KCNH1: variants seen among roughly 807,000 people sequenced by gnomAD.
The protein encoded by KCNH1 is potassium voltage-gated channel subfamily H member 1, also known as voltage-gated delayed rectifier potassium channel KCNH1.
A neutral mutation model predicts 69.2 loss-of-function variants in KCNH1; 27 were observed. The observed-to-expected ratio is 0.39, with a 90% CI of 0.29 to 0.54. The LOEUF is 0.54. Among genes scored for constraint, KCNH1 ranks in the 20% least tolerant of loss-of-function variants. The probability of loss-of-function intolerance (pLI) is 0.68; values close to 1 mark genes in which losing one functional copy is unlikely to be tolerated. For synonymous variants in KCNH1, 456 were observed against 487.7 expected (o/e 0.93, Z 0.86); for missense variants, 798 against 1,261.6 (o/e 0.63, Z 5.57).
chr1:210,941,531 C>A (rs1364038943), intron 6 of KCNH1, among the ~76,000 whole-genome samples: 1 of 152,188 alleles, frequency 6.6e-6, no homozygotes, highest in Non-Finnish European at 1.5e-5. Flanking sequence ...TCTGTGAGAA[C>A]TGGGCAGGGT....
intron 7 of KCNH1, among the ~76,000 whole-genome samples, chr1:210,847,841 C>T (rs1474645855): frequency 3.3e-5 from 5 of 151,740 alleles, no homozygotes; most frequent in East Asian, 1.9e-4. Flanking sequence ...AATTTTTTAG[C>T]ATCTCCTTCG....
At chr1:210,721,387 A>G (rs1198121498) in intron 10 of KCNH1, among the ~76,000 whole-genome samples, 2 of 152,182 alleles carry the variant, frequency 1.3e-5, no homozygotes, top group Non-Finnish European at 2.9e-5. Flanking sequence ...AAAGGCTTCC[A>G]CTAGCTGTCA....
intron 6 of KCNH1, among the ~76,000 whole-genome samples, chr1:210,929,098 T>G (rs73071587): frequency 1.2e-3 from 179 of 152,220 alleles, no homozygotes; most frequent in Non-Finnish European, 2.3e-3. Flanking sequence ...CTATCAGATA[T>G]TCAGAGAAGA....
rs548152947 is a variant in KCNH1 at position 210,861,052 on chromosome 1, T to C, written c.1463-56886A>G. 182 of 977,748 alleles carry C rather than the reference T, an allele frequency of 1.9e-4. 1 individual carries two copies. The African/African-American group carries it at 2.6e-3, about 14-fold the overall frequency. The allele number at this position is 977,748 out of a possible 1,614,324, so 60.6% of individuals were successfully genotyped here. ...TCTGGTAACAAAATCCCATAGTCTT[T>C]TGAAGTACCTCCTTCCTCTTACTAT... On this transcript the variant is annotated intron_variant, in intron 7 of 10. Coordinates refer to ENST00000271751, the MANE Select transcript of KCNH1 (RefSeq NM_172362.3).
rs1381131988 is a variant in KCNH1 at position 210,695,227 on chromosome 1, CCTTTA to C, written c.2113-11094_2113-11090del. ...AGCAGCTGCCACCAACAACTCAAGT[CCTTTA>C]CTTTATCCAGCTTAGTCATGACAGC... On this transcript the variant is annotated intron_variant, in intron 10 of 10. Coordinates refer to ENST00000271751, the MANE Select transcript of KCNH1 (RefSeq NM_172362.3). Among the ~76,000 whole-genome samples the C allele has an allele frequency of 6.6e-5, 10 of 152,294 alleles. No individual in the cohort carries two copies. The East Asian group carries it at 1.2e-3, about 18-fold the overall frequency.
chr1:210,815,148 G>A (rs534705600), intron 7 of KCNH1, among the ~76,000 whole-genome samples: 1 of 152,308 alleles, frequency 6.6e-6, no homozygotes, highest in Middle Eastern at 3.4e-3. Context: ...CTCTGGGGGT[G>A]AGACCGAGAA....
In KCNH1 at chr1:210,891,598, G is replaced by A. The variant is rs561678601; in HGVS notation, c.1462+28042C>T. ...TGAAGAGGATGTGGAGAATAGGAATGCTTTTATACTGTTGGTGGGAGTGTA... is the reference window on the plus strand; with the variant it reads ...TGAAGAGGATGTGGAGAATAGGAATACTTTTATACTGTTGGTGGGAGTGTA... On this transcript the variant is annotated intron_variant, in intron 7 of 10. Transcript: ENST00000271751. Among the ~76,000 whole-genome samples, 14 of 151,962 alleles carry A rather than the reference G, an allele frequency of 9.2e-5. No individual in the cohort carries two copies. In the East Asian group the frequency reaches 2.7e-3, roughly 29 times the overall value.
chr1:211,087,006 TAGCA>T (rs1264950724), intron 4 of KCNH1, among the ~76,000 whole-genome samples: 1 of 152,168 alleles, frequency 6.6e-6, no homozygotes, highest in Non-Finnish European at 1.5e-5. Flanking sequence ...CTTCCTCAAG[TAGCA>T]GTCACTAAAT....
chr1:210,693,551 A>C (rs1681570264), intron 10 of KCNH1, among the ~76,000 whole-genome samples: 1 of 152,188 alleles, frequency 6.6e-6, no homozygotes, highest in Non-Finnish European at 1.5e-5. Flanking sequence ...GACAGATAAA[A>C]CACAACATGG....
chr1:211,072,856 A>G (rs1690671875), intron 5 of KCNH1, among the ~76,000 whole-genome samples: 1 of 152,220 alleles, frequency 6.6e-6, no homozygotes, highest in Non-Finnish European at 1.5e-5. Context: ...AAAGCAACAA[A>G]TACCAGAGAT....
chr1:211,121,060 C>T (rs997157923), intron 1 of KCNH1, among the ~76,000 whole-genome samples: 4 of 152,144 alleles, frequency 2.6e-5, no homozygotes, highest in Non-Finnish European at 4.4e-5. Flanking sequence ...AAATTCCATC[C>T]TCATGGATAA....
At chr1:211,110,347 A>G (rs191098194) in intron 1 of KCNH1, among the ~76,000 whole-genome samples, 1 of 152,324 alleles carries the variant, frequency 6.6e-6, no homozygotes, top group East Asian at 1.9e-4. Context: ...ACAGTATTCA[A>G]TACTGAACAA....
intron 6 of KCNH1, among the ~76,000 whole-genome samples, chr1:210,984,133 A>G (rs879740338): frequency 2.0e-5 from 3 of 152,036 alleles, no homozygotes; most frequent in Non-Finnish European, 4.4e-5. Context: ...GTATCCTGAG[A>G]CTGCTGAAGT....
chr1:210,941,121 C>G (rs890594293), intron 6 of KCNH1, among the ~76,000 whole-genome samples: 2 of 152,182 alleles, frequency 1.3e-5, no homozygotes, highest in East Asian at 3.9e-4. Flanking sequence ...AGGAAAGCAT[C>G]GCCTTGACTA....
At chr1:210,789,960 A>G (rs1043848561) in intron 9 of KCNH1, among the ~76,000 whole-genome samples, 2 of 152,150 alleles carry the variant, frequency 1.3e-5, no homozygotes, top group African/African-American at 4.8e-5. Context: ...GGAGTGCAGT[A>G]GCTATTCACA....
At position 210,682,701 on chromosome 1, in the gene KCNH1, T is replaced by G. The variant is rs556785488; in HGVS notation, c.*580A>C. 6.5e-6 allele frequency: 1 copy of G among 153,152 alleles called. No individual in the cohort carries two copies. Among genetic ancestry groups the G allele is most frequent in the Admixed American group, 6.5e-5 (1 of 15,412 alleles). The allele number at this position is 153,152 out of a possible 1,614,324, so 9.5% of individuals were successfully genotyped here. A position where few individuals can be genotyped will look rare whatever the true frequency, so the allele number is the denominator to read the frequency against. ...TGCACCACACCTGCAGCTGCTTTTCTGGCCTTAACCATGAGACAGAAAGTT... is the reference window on the plus strand; with the variant it reads ...TGCACCACACCTGCAGCTGCTTTTCGGGCCTTAACCATGAGACAGAAAGTT... On this transcript the variant is annotated 3_prime_UTR_variant, in exon 11 of 11. Coordinates refer to ENST00000271751, the MANE Select transcript of KCNH1 (RefSeq NM_172362.3).
intron 7 of KCNH1, among the ~76,000 whole-genome samples, chr1:210,844,245 A>G (rs1356041450): frequency 1.3e-5 from 2 of 152,204 alleles, no homozygotes; most frequent in Non-Finnish European, 2.9e-5. Context: ...TCTTCCAGCT[A>G]GGTGCATTGG....
chr1:210,798,023 C>G (rs1408726977), intron 8 of KCNH1, among the ~76,000 whole-genome samples: 2 of 148,030 alleles, frequency 1.4e-5, no homozygotes, highest in Non-Finnish European at 3.0e-5. Context: ...TCAGAGAAGG[C>G]TTCTCTGGGA....
intron 10 of KCNH1, among the ~76,000 whole-genome samples, chr1:210,754,553 T>G (rs909479456): frequency 9.9e-5 from 15 of 152,010 alleles, no homozygotes; most frequent in African/African-American, 3.6e-4. Flanking sequence ...TTGGTGCTGT[T>G]CTTATGATAG....
Sources: allele counts gnomAD v4.1 joint callset (sites outside exome capture counted in the v4.1 genomes callset), GRCh38; gene constraint gnomAD v4.1.1; transcripts MANE v1.5; gene names NCBI Gene and HGNC (gene_info 2026-07-23, HGNC 2026-07-21).